The following TRIO variants were observed in gnomAD, a reference collection of about 807,000 sequenced individuals.
TRIO encodes triple functional domain protein.
In TRIO, 58 loss-of-function variants were observed where a neutral mutation model predicts 351.9. The ratio of observed to expected loss-of-function variants is 0.16; its 90% CI spans 0.13 to 0.21. The LOEUF (loss-of-function observed/expected upper bound fraction) is 0.21. Ranked by LOEUF, TRIO falls within the 10% of genes least tolerant of loss-of-function variation. The pLI, the probability that TRIO is intolerant of heterozygous loss-of-function variation, is 1.00. For synonymous variants in TRIO, 1,758 were observed against 1,595.7 expected, an observed-to-expected ratio of 1.10 and a Z score of -2.42; for missense variants, 3,201 against 4,027.8, an observed-to-expected ratio of 0.79 and a Z score of 5.56.
rs1458536304 is a variant in TRIO, at chr5:14,497,192, C to CAGGGA, written c.8019+176_8019+180dup. 2.6e-5 allele frequency among the ~76,000 whole-genome samples: 4 copies of CAGGGA among 152,170 alleles called. No individual in the cohort carries two copies. The highest frequency in any genetic ancestry group is 5.9e-5 in the Non-Finnish European group (4 of 68,028). ...GTTAGGGGCACTATGCTGGCCAGCACAGGGATGGGTGCGTCCTACAAGGAA... is the reference window on the plus strand; with the variant it reads ...GTTAGGGGCACTATGCTGGCCAGCACAGGGAAGGGATGGGTGCGTCCTACAAGGAA... On this transcript the variant is annotated intron_variant, in intron 50 of 56. Coordinates refer to ENST00000344204, the MANE Select transcript of TRIO (RefSeq NM_007118.4). This position sits in a 1 kb window ranked among gnomAD's most constrained non-coding sequence, Gnocchi z 4.4.
chr5:14,374,262 T>G lies in TRIO; in HGVS notation c.3250T>G (p.Phe1084Val). Residue 1084 changes from phenylalanine to valine, a missense_variant, in exon 19 of 57, where the codon TTC (phenylalanine) becomes GTC (valine). Phe to Val is a conservative substitution (Grantham distance 50). Transcript: ENST00000344204. ...CCTTGCTCGGAGGAATGCAGACGTC[T>G]TCCTGAAATACCTGCACAGGAACAG... Reference protein sequence around the residue: ...CTLARRNADVFLKYLHRNSVN... With the variant: ...CTLARRNADVVLKYLHRNSVN... 6.2e-7 allele frequency: 1 copy of G among 1,613,762 alleles called. No individual in the cohort carries two copies. Among genetic ancestry groups the G allele is most frequent in the Non-Finnish European group, 8.5e-7 (1 of 1,179,754 alleles).
Position 14,359,409 on chromosome 5 carries a change from A to G in TRIO, c.2269A>G (p.Ile757Val), listed in dbSNP as rs1743925932. ...CCCCCACAACAGCTCCATCAACCACATTGAGACGGTGCTGCAGCAGCTGGA... is the reference window on the plus strand; with the variant it reads ...CCCCCACAACAGCTCCATCAACCACGTTGAGACGGTGCTGCAGCAGCTGGA... The part of the protein sequence containing the change: ...KTPHNSSINH[I>V]ETVLQQLDEA... Residue 757 changes from isoleucine to valine, a missense_variant, in exon 13 of 57, where the codon ATT (isoleucine) becomes GTT (valine). Ile to Val is a conservative substitution (Grantham distance 29). Transcript: ENST00000344204. 1 of 1,614,242 alleles carries G rather than the reference A, an allele frequency of 6.2e-7. No homozygotes were observed. Among genetic ancestry groups the G allele is most frequent in the Non-Finnish European group, 8.5e-7 (1 of 1,180,034 alleles).
At chr5:14,352,843 G>A (rs1022083447) in intron 11 of TRIO, among the ~76,000 whole-genome samples, 1 of 151,826 alleles carries the variant, frequency 6.6e-6, no homozygotes, top group Non-Finnish European at 1.5e-5. Context: ...CATCCAGTGT[G>A]CGGTAAAATA....
intron 15 of TRIO, among the ~76,000 whole-genome samples, chr5:14,366,525 CAG>C: frequency 6.6e-6 from 1 of 152,312 alleles, no homozygotes; most frequent in Middle Eastern, 3.4e-3. Context: ...TCTTGATTAT[CAG>C]GGAATTCCTG....
chr5:14,280,891 G>A lies in TRIO; in HGVS notation c.347+455G>A, dbSNP rs185763855. 4.1e-3 allele frequency among the ~76,000 whole-genome samples: 627 copies of A among 152,296 alleles called. 2 individuals are homozygous for A. The highest frequency in any genetic ancestry group is 0.014 in the African/African-American group (594 of 41,558). On this transcript the variant is annotated intron_variant, in intron 3 of 56. Coordinates refer to ENST00000344204, the MANE Select transcript of TRIO (RefSeq NM_007118.4). The stretch of plus-strand genomic sequence containing the variant: ...AAAATCCTTATTAGCTATATATTGG[G>A]CGTAGATTTGGGAATCTCTATCAAA...
chr5:14,490,800 A>G (rs1246040545), intron 48 of TRIO: 2 of 455,924 alleles, frequency 4.4e-6, no homozygotes, highest in Non-Finnish European at 8.8e-6. Context: ...GTATATTACC[A>G]AAAGCAGCTG....
intron 1 of TRIO, among the ~76,000 whole-genome samples, chr5:14,210,597 G>GTT (rs34510714): frequency 4.0e-5 from 6 of 151,546 alleles, no homozygotes; most frequent in Non-Finnish European, 7.4e-5. Context: ...TTTTGAAAGT[G>GTT]TTTTTTTGTT....
chr5:14,402,256 G>A (rs577787665), intron 31 of TRIO, among the ~76,000 whole-genome samples: 2 of 152,172 alleles, frequency 1.3e-5, no homozygotes, highest in Admixed American at 6.5e-5. Flanking sequence ...GATGCCAAAA[G>A]GTGCTTCCAA....
chr5:14,373,984 G>T (rs1485927899), intron 18 of TRIO, among the ~76,000 whole-genome samples: 8 of 152,146 alleles, frequency 5.3e-5, no homozygotes, highest in Non-Finnish European at 1.5e-5. Context: ...GCTGCCCTCT[G>T]TTTCCTGCCC....
chr5:14,179,590 C>T (rs1295734260), intron 1 of TRIO, among the ~76,000 whole-genome samples: 1 of 151,122 alleles, frequency 6.6e-6, no homozygotes, highest in Non-Finnish European at 1.5e-5. Context: ...GCATGCATCA[C>T]GAAGCCCAGC....
intron 1 of TRIO, among the ~76,000 whole-genome samples, chr5:14,240,526 A>T (rs1214908772): frequency 6.6e-6 from 1 of 152,224 alleles, no homozygotes; most frequent in Non-Finnish European, 1.5e-5. Context: ...GTTGCATTTA[A>T]GCATTATCAG....
chr5:14,382,080 A>ATT (rs1746155854), intron 21 of TRIO, among the ~76,000 whole-genome samples: 1 of 152,176 alleles, frequency 6.6e-6, no homozygotes, highest in Non-Finnish European at 1.5e-5. Context: ...AAGTGCCTCT[A>ATT]TTGTTGATGA....
chr5:14,457,519 G>C (rs11948605), intron 34 of TRIO, among the ~76,000 whole-genome samples: 15 of 152,138 alleles, frequency 9.9e-5, no homozygotes, highest in African/African-American at 3.6e-4. Flanking sequence ...CCTTGCAGCT[G>C]AGCCCACAGA....
intron 32 of TRIO, 42 bp from the exon 33 acceptor site, chr5:14,406,531 G>T: frequency 6.3e-7 from 1 of 1,591,648 alleles, no homozygotes; most frequent in Non-Finnish European, 8.6e-7. Flanking sequence ...GTGACTGCCA[G>T]CTCAGCAGCA....
At chr5:14,184,567 G>T (rs1789991769) in intron 1 of TRIO, among the ~76,000 whole-genome samples, 2 of 152,216 alleles carry the variant, frequency 1.3e-5, no homozygotes, top group African/African-American at 4.8e-5. Context: ...CTATGGACGA[G>T]TCTAATTTCC....
chr5:14,435,615 C>G (rs147295966), intron 34 of TRIO, among the ~76,000 whole-genome samples: 7 of 152,338 alleles, frequency 4.6e-5, no homozygotes, highest in African/African-American at 1.7e-4. Flanking sequence ...TTTCCTCATT[C>G]CTTCTGAATT....
intron 3 of TRIO, among the ~76,000 whole-genome samples, chr5:14,280,767 T>C (rs1161865784): frequency 6.6e-6 from 1 of 152,186 alleles, no homozygotes; most frequent in East Asian, 1.9e-4. Context: ...GTGATCAGAA[T>C]TGGGTGCTGC....
At chr5:14,209,720 T>G (rs1791764618) in intron 1 of TRIO, among the ~76,000 whole-genome samples, 1 of 152,202 alleles carries the variant, frequency 6.6e-6, no homozygotes, top group Non-Finnish European at 1.5e-5. Flanking sequence ...GCAGCACACT[T>G]TTTTTCTTTC....
chr5:14,281,432 C>T (rs533219718), intron 3 of TRIO, among the ~76,000 whole-genome samples: 2 of 126,720 alleles, frequency 1.6e-5, no homozygotes, highest in Admixed American at 1.6e-4. Context: ...GAACCCCCCC[C>T]CCCCGCCCCG....
Sources: allele counts gnomAD v4.1 joint callset (sites outside exome capture counted in the v4.1 genomes callset), GRCh38; gene constraint gnomAD v4.1.1; non-coding constraint Gnocchi (gnomAD v3.1); transcripts MANE v1.5; gene names NCBI Gene and HGNC (gene_info 2026-07-23, HGNC 2026-07-21).